The following PID1 variants were observed in gnomAD, a reference collection of about 807,000 sequenced individuals.
PID1 encodes the protein phosphotyrosine interaction domain containing 1.
A neutral mutation model predicts 19.1 loss-of-function variants in PID1; 10 were observed. The observed-to-expected ratio is 0.52, with a 90% CI of 0.32 to 0.89. PID1 has a LOEUF of 0.89. Ranked by LOEUF, PID1 falls within the 40% of genes least tolerant of loss-of-function variation. PID1 has a pLI of 0.03. For missense variants in PID1, 248 were observed against 285.3 expected, an observed-to-expected ratio of 0.87 and a Z score of 0.94; for synonymous variants, 130 against 116.0, an observed-to-expected ratio of 1.12 and a Z score of -0.78.
At chr2:229,210,775 T>C (rs1185548247) in intron 1 of PID1, among the ~76,000 whole-genome samples, 2 of 152,158 alleles carry the variant, frequency 1.3e-5, no homozygotes, top group African/African-American at 2.4e-5. Flanking sequence ...AGCTCCATCC[T>C]TCCAGGCAAG....
chr2:229,160,834 A>G (rs1690478342), intron 1 of PID1, among the ~76,000 whole-genome samples: 1 of 152,220 alleles, frequency 6.6e-6, no homozygotes. Context: ...TATTTAATCT[A>G]TAAGAATACA....
At chr2:229,264,593 T>C (rs1010186962) in intron 1 of PID1, among the ~76,000 whole-genome samples, 4 of 152,184 alleles carry the variant, frequency 2.6e-5, no homozygotes, top group Admixed American at 2.6e-4. Context: ...CGCACTTTCC[T>C]ATACATTGAG....
At chr2:229,229,800 G>A (rs546202320) in intron 1 of PID1, among the ~76,000 whole-genome samples, 21 of 152,298 alleles carry the variant, frequency 1.4e-4, no homozygotes, top group African/African-American at 4.8e-4. Flanking sequence ...CTTTCCTGGT[G>A]GAGCTGGGTT....
intron 2 of PID1, among the ~76,000 whole-genome samples, chr2:229,118,452 C>G (rs1695452451): frequency 6.6e-6 from 1 of 152,072 alleles, no homozygotes; most frequent in African/African-American, 2.4e-5. Flanking sequence ...AAGAAAACAT[C>G]CTGGCTCTGC....
At chr2:229,191,007 C>G (rs770189627) in intron 1 of PID1, among the ~76,000 whole-genome samples, 2 of 152,026 alleles carry the variant, frequency 1.3e-5, no homozygotes, top group Non-Finnish European at 2.9e-5. Flanking sequence ...GAGTATGTTA[C>G]TAGGGAAAAA....
At chr2:229,262,875 C>G (rs1288202017) in intron 1 of PID1, 1 of 1,532,036 alleles carries the variant, frequency 6.5e-7, no homozygotes, top group Admixed American at 2.0e-5. Context: ...TGTGCCGCTT[C>G]TGTGTCTGCA....
Position 229,153,588 on chromosome 2 carries a change from T to A in PID1, c.177+2230A>T, listed in dbSNP as rs184408893. On this transcript the variant is annotated intron_variant, in intron 2 of 2. Transcript: ENST00000392055. Reference sequence around the variant, plus strand: ...GGCACACTCTTCTGATTTCCTACTATTTTTTTTTCAACGTCCTTTTAAAAG... The same window carrying A: ...GGCACACTCTTCTGATTTCCTACTAATTTTTTTTCAACGTCCTTTTAAAAG... 3.5e-3 allele frequency among the ~76,000 whole-genome samples: 519 copies of A among 147,000 alleles called. 2 individuals carry two copies. Among genetic ancestry groups the A allele is most frequent in the African/African-American group, 0.014 (504 of 36,922 alleles).
At chr2:229,071,086 G>A (rs1425114886) in intron 2 of PID1, among the ~76,000 whole-genome samples, 2 of 117,034 alleles carry the variant, frequency 1.7e-5, no homozygotes, top group Non-Finnish European at 3.5e-5. Context: ...GCAAATGAAT[G>A]TTACTTGATA....
chr2:229,053,303 A>C (rs934850130), intron 2 of PID1, among the ~76,000 whole-genome samples: 1 of 152,214 alleles, frequency 6.6e-6, no homozygotes, highest in Non-Finnish European at 1.5e-5. Flanking sequence ...TGGGATTTTC[A>C]AAAACTATAA....
intron 1 of PID1, among the ~76,000 whole-genome samples, chr2:229,227,778 T>C (rs1349547538): frequency 5.9e-5 from 9 of 152,080 alleles, no homozygotes; most frequent in Admixed American, 2.6e-4. Flanking sequence ...GGGGAAAAAA[T>C]TGCACGTGTA....
At chr2:229,053,312 A>G (rs1389019453) in intron 2 of PID1, among the ~76,000 whole-genome samples, 2 of 152,346 alleles carry the variant, frequency 1.3e-5, no homozygotes, top group South Asian at 4.1e-4. Flanking sequence ...CAAAAACTAT[A>G]AACTCAGAAA....
At chr2:229,193,965 A>C (rs529915145) in intron 1 of PID1, among the ~76,000 whole-genome samples, 12 of 152,226 alleles carry the variant, frequency 7.9e-5, no homozygotes, top group African/African-American at 2.2e-4. Flanking sequence ...GAGGTATTGA[A>C]GCTGCAGAAT....
At chr2:229,042,005 C>T (rs1574578038) in intron 2 of PID1, among the ~76,000 whole-genome samples, 1 of 152,194 alleles carries the variant, frequency 6.6e-6, no homozygotes, top group East Asian at 1.9e-4. Flanking sequence ...TGAGTAATGT[C>T]TCTAGATTAT....
intron 1 of PID1, among the ~76,000 whole-genome samples, chr2:229,227,776 A>G (rs1054119928): frequency 4.6e-5 from 7 of 152,292 alleles, no homozygotes; most frequent in Admixed American, 2.0e-4. Flanking sequence ...CTGGGGAAAA[A>G]ATTGCACGTG....
chr2:229,136,297 A>G (rs780961131), intron 2 of PID1, among the ~76,000 whole-genome samples: 3 of 152,174 alleles, frequency 2.0e-5, no homozygotes, highest in Non-Finnish European at 1.5e-5. Flanking sequence ...CCTTCTGATG[A>G]GACCAATGCC....
intron 1 of PID1, among the ~76,000 whole-genome samples, chr2:229,168,740 G>A (rs372175541): frequency 6.8e-4 from 73 of 106,710 alleles, no homozygotes; most frequent in African/African-American, 1.7e-3. Flanking sequence ...GTGTGTGTGC[G>A]TCTCATATAT....
At chr2:229,143,654 T>G (rs1354023475) in intron 2 of PID1, among the ~76,000 whole-genome samples, 1 of 152,148 alleles carries the variant, frequency 6.6e-6, no homozygotes, top group African/African-American at 2.4e-5. Context: ...AATCTCATCT[T>G]GAATTGTAAT....
At chr2:229,208,923 T>C (rs1471981415) in intron 1 of PID1, among the ~76,000 whole-genome samples, 1 of 152,100 alleles carries the variant, frequency 6.6e-6, no homozygotes, top group African/African-American at 2.4e-5. Context: ...AAATGGCAAA[T>C]GATACTTGGC....
At chr2:229,202,925 C>T (rs1438100745) in intron 1 of PID1, among the ~76,000 whole-genome samples, 2 of 152,002 alleles carry the variant, frequency 1.3e-5, no homozygotes, top group Non-Finnish European at 2.9e-5. Context: ...GATTTCAGGC[C>T]TCTTTAGAAA....
Sources: allele counts gnomAD v4.1 joint callset (sites outside exome capture counted in the v4.1 genomes callset), GRCh38; gene constraint gnomAD v4.1.1; transcripts MANE v1.5; gene names NCBI Gene and HGNC (gene_info 2026-07-23, HGNC 2026-07-21).